LPIN3: variants seen among roughly 807,000 people sequenced by gnomAD.
LPIN3 encodes lipin 3.
A neutral mutation model predicts 94.7 loss-of-function variants in LPIN3; 82 were observed. The ratio of observed to expected loss-of-function variants is 0.87; its 90% confidence interval spans 0.72 to 1.04. The LOEUF is 1.04. Among genes scored for constraint, LPIN3 ranks in the 50% least tolerant of loss-of-function variants. LPIN3 has a pLI of 0.00. For synonymous variants in LPIN3, 418 were observed against 443.3 expected, an observed-to-expected ratio of 0.94 and a Z score of 0.72; for missense variants, 996 against 1,090.5, an observed-to-expected ratio of 0.91 and a Z score of 1.22.
intron 16 of LPIN3, 110 bp downstream of exon 16, chr20:41,357,557 G>A: frequency 1.0e-6 from 1 of 974,242 alleles, no homozygotes; most frequent in Non-Finnish European, 1.5e-6. Flanking sequence ...CAGGCTGCCA[G>A]GGCAGGTGCC....
At chr20:41,343,453 T>C (rs918389081) in intron 1 of LPIN3, among the ~76,000 whole-genome samples, 5 of 152,254 alleles carry the variant, frequency 3.3e-5, no homozygotes. Flanking sequence ...ATCTAGCACA[T>C]GGCAGGTGCC....
At chr20:41,357,474 T>C in intron 16 of LPIN3, 27 bp downstream of exon 16, 1 of 1,565,292 alleles carries the variant, frequency 6.4e-7, no homozygotes, top group Non-Finnish European at 8.8e-7. Context: ...GGGCTGGGGC[T>C]GAGGCGAGGC....
chr20:41,348,878 A>G lies in LPIN3; in HGVS notation c.548A>G (p.Glu183Gly). Reference sequence around the variant, plus strand: ...TCCCTGCCGGAAAAGCTGAGGCCAGAGCCCCCAGGGTGTGTAAGGACCAAG... The same window carrying G: ...TCCCTGCCGGAAAAGCTGAGGCCAGGGCCCCCAGGGTGTGTAAGGACCAAG... ...ELSLPEKLRPEPPGVQLEEKS... is the reference protein window; with the variant it reads ...ELSLPEKLRPGPPGVQLEEKS... Residue 183 changes from glutamate (E) to glycine (G), a missense_variant, in exon 4 of 20, where the codon GAG becomes GGG. Transcript: ENST00000373257. 1 of 1,604,542 alleles carries G rather than the reference A, an allele frequency of 6.2e-7. No homozygotes were observed. The highest frequency in any genetic ancestry group is 1.3e-5 in the African/African-American group (1 of 74,868).
At chr20:41,348,590 C>T in intron 3 of LPIN3, 29 bp from the exon 4 acceptor site, 1 of 1,577,050 alleles carries the variant, frequency 6.3e-7, no homozygotes, top group Non-Finnish European at 8.6e-7. Context: ...GGGTCAGCCC[C>T]CGACCTCAGT....
Position 41,345,987 on chromosome 20 carries a change from G to A in LPIN3, c.184G>A (p.Glu62Lys). ...FGKLGVLRSR[E>K]KVVDIELNGE... ...CAAGCTGGGCGTCCTGCGGTCGCGG[G>A]AGAAGGTGGTGAGTGCTCAGGCTGG... is the stretch of plus-strand genomic sequence containing the variant. Residue 62 changes from glutamate (E) to lysine (K), a missense_variant, in exon 2 of 20, where the codon GAG (glutamate) becomes AAG (lysine). Coordinates refer to ENST00000373257, the MANE Select transcript of LPIN3 (RefSeq NM_022896.3). The A allele has an allele frequency of 6.2e-7, 1 of 1,613,276 alleles. No homozygotes were observed. The highest frequency in any genetic ancestry group is 8.5e-7 in the Non-Finnish European group (1 of 1,179,604).
At position 41,357,201 on chromosome 20, in the gene LPIN3, C is replaced by T. The variant is rs1163503236; in HGVS notation, c.1952+13C>T. 6.2e-7 allele frequency: 1 copy of T among 1,613,732 alleles called. No homozygotes were observed. The highest frequency in any genetic ancestry group is 1.7e-5 in the Admixed American group (1 of 60,014). On this transcript the variant is annotated intron_variant, in intron 15 of 19. Transcript: ENST00000373257. Reference sequence around the variant, plus strand: ...GCACCATCACCAAGTGAGGCCCACCCAGCTGTGGGAAGGGGAGGGAGAGGG... The same window carrying T: ...GCACCATCACCAAGTGAGGCCCACCTAGCTGTGGGAAGGGGAGGGAGAGGG...
Position 41,349,772 on chromosome 20 carries a change from A to C in LPIN3, c.639-2A>C. On this transcript the variant is annotated splice_acceptor_variant, in intron 5 of 19. Coordinates refer to ENST00000373257, the MANE Select transcript of LPIN3 (RefSeq NM_022896.3). LOFTEE classifies it high-confidence loss of function. Reference sequence around the variant, plus strand: ...CAAGGCCTCTCAATATGTCTCCTGCAGCCTCTCAGCAGGTGAGCTAACATC... The same window carrying C: ...CAAGGCCTCTCAATATGTCTCCTGCCGCCTCTCAGCAGGTGAGCTAACATC... The C allele has an allele frequency of 1.2e-6, 2 of 1,612,364 alleles. No homozygotes were observed. Among genetic ancestry groups the C allele is most frequent in the Non-Finnish European group, 1.7e-6 (2 of 1,179,480 alleles).
At position 41,358,466 on chromosome 20, in the gene LPIN3, CTG is replaced by C; in HGVS notation, c.2336_2337del (p.Leu779ProfsTer2). The C allele has an allele frequency of 6.2e-7, 1 of 1,614,112 alleles. No homozygotes were observed. On this transcript the variant is annotated frameshift_variant, in exon 19 of 20. Transcript: ENST00000373257. LOFTEE classifies it high-confidence loss of function. ...TGTCTTTGCCTACCGGCAGGTGGGCCTGCCTGAGTCACGCATCTTCACAGTCA... is the reference window on the plus strand; with the variant it reads ...TGTCTTTGCCTACCGGCAGGTGGGCCCCTGAGTCACGCATCTTCACAGTCA... ...NDVFAYRQVG[L>X]PESRIFTVNP...
Position 41,349,705 on chromosome 20 carries a change from C to T in LPIN3, c.639-69C>T, listed in dbSNP as rs1297799407. 92 of 1,539,414 alleles carry T rather than the reference C, an allele frequency of 6.0e-5. 1 individual carries two copies. The South Asian group carries it at 6.9e-4, about 11-fold the overall frequency. On this transcript the variant is annotated intron_variant, in intron 5 of 19. Coordinates refer to ENST00000373257, the MANE Select transcript of LPIN3 (RefSeq NM_022896.3). Reference sequence around the variant, plus strand: ...AAATATAGGTTGCACATATTTTTTTCCCTGGCTGGGGTGGGCAGCAGCGGG... The same window carrying T: ...AAATATAGGTTGCACATATTTTTTTTCCTGGCTGGGGTGGGCAGCAGCGGG...
At chr20:41,353,331 C>T (rs1478671683) in intron 11 of LPIN3, among the ~76,000 whole-genome samples, 1 of 152,192 alleles carries the variant, frequency 6.6e-6, no homozygotes, top group Non-Finnish European at 1.5e-5. Context: ...CCTACTATGT[C>T]CCAGGCCTAG....
intron 7 of LPIN3, 35 bp from the exon 8 acceptor site, chr20:41,351,786 G>A: frequency 6.3e-7 from 1 of 1,596,234 alleles, no homozygotes; most frequent in Non-Finnish European, 8.6e-7. Context: ...CTGAGCACAT[G>A]TCAGCTCTAC....
chr20:41,352,475 G>T, intron 9 of LPIN3, 131 bp from the exon 10 acceptor site: 1 of 860,504 alleles, frequency 1.2e-6, no homozygotes, highest in South Asian at 1.6e-5. Flanking sequence ...ACCACAGGTA[G>T]GGAGGAGCAC....
chr20:41,355,827 C>T, intron 13 of LPIN3, 69 bp from the exon 14 acceptor site: 1 of 1,586,942 alleles, frequency 6.3e-7, no homozygotes, highest in Non-Finnish European at 8.6e-7. Flanking sequence ...CCAGCCTCCT[C>T]TTGGCATCTC....
chr20:41,349,158 GC>G lies in LPIN3; in HGVS notation c.631del (p.Gln211ArgfsTer9), dbSNP rs554789813. On this transcript the variant is annotated frameshift_variant, in exon 5 of 20. Coordinates refer to ENST00000373257, the MANE Select transcript of LPIN3 (RefSeq NM_022896.3). LOFTEE classifies it high-confidence loss of function. ...TCTACCCCTACTCGGATGGCGAGTG[GC>G]CCCCCCAGGCCAGGTAAGAGTCCAG... ...DIYPYSDGEW[P>X]PQASLSAGEL... 412 of 1,613,900 alleles carry G rather than the reference GC, an allele frequency of 2.6e-4. 1 individual carries two copies. The highest frequency in any genetic ancestry group is 2.0e-3 in the Admixed American group (120 of 60,000).
At chr20:41,354,765 C>T in intron 12 of LPIN3, 28 bp downstream of exon 12, 1 of 1,609,696 alleles carries the variant, frequency 6.2e-7, no homozygotes, top group South Asian at 1.1e-5. Flanking sequence ...AGGGCCAGGG[C>T]CAGGGCCAGC....
At chr20:41,352,515 G>A in intron 9 of LPIN3, 91 bp from the exon 10 acceptor site, 1 of 1,166,638 alleles carries the variant, frequency 8.6e-7, no homozygotes, top group Non-Finnish European at 1.3e-6. Flanking sequence ...CCGACAGGAG[G>A]TGAGCAGCAG....
chr20:41,352,460 T>C (rs2046056116), intron 9 of LPIN3, 146 bp from the exon 10 acceptor site: 1 of 835,140 alleles, frequency 1.2e-6, no homozygotes, highest in Non-Finnish European at 2.0e-6. Flanking sequence ...GGAACAGGTG[T>C]AAAAACCACA....
chr20:41,357,453 T>C lies in LPIN3; in HGVS notation c.2039+6T>C. The stretch of plus-strand genomic sequence containing the variant: ...CTCTATCACAAAATCCAACTGTGAG[T>C]GCCTGGGCTGGGGCTGGGGCTGAGG... On this transcript the variant is annotated splice_donor_region_variant and intron_variant, in intron 16 of 19. Transcript: ENST00000373257. The C allele has an allele frequency of 6.2e-7, 1 of 1,611,066 alleles. No individual in the cohort carries two copies. Among genetic ancestry groups the C allele is most frequent in the Non-Finnish European group, 8.5e-7 (1 of 1,178,794 alleles).
intron 3 of LPIN3, among the ~76,000 whole-genome samples, 159 bp downstream of exon 3, chr20:41,347,806 C>T (rs1214611724): frequency 2.6e-5 from 4 of 152,182 alleles, no homozygotes; most frequent in Non-Finnish European, 5.9e-5. Context: ...GCCTCTGGCA[C>T]ACGTGATATG....
Sources: allele counts gnomAD v4.1 joint callset (sites outside exome capture counted in the v4.1 genomes callset), GRCh38; gene constraint gnomAD v4.1.1; transcripts MANE v1.5; gene names NCBI Gene and HGNC (gene_info 2026-07-23, HGNC 2026-07-21).